The following AP2B1 variants were observed in gnomAD, a reference collection of about 807,000 sequenced individuals.
The protein encoded by AP2B1 is AP-2 complex subunit beta.
AP2B1 carries 23 observed loss-of-function variants against 102.0 expected under a neutral mutation model. The ratio of observed to expected loss-of-function variants is 0.23; its 90% CI spans 0.16 to 0.32. AP2B1 has a LOEUF of 0.32. Ranked by LOEUF, AP2B1 falls within the 10% of genes least tolerant of loss-of-function variation. The pLI is 1.00. For missense variants in AP2B1, 541 were observed against 1,157.4 expected (o/e 0.47, Z 7.73); for synonymous variants, 381 against 421.2 (o/e 0.90, Z 1.17).
At chr17:35,667,760 A>G (rs764967954) in intron 14 of AP2B1, among the ~76,000 whole-genome samples, 1 of 152,108 alleles carries the variant, frequency 6.6e-6, no homozygotes, top group Non-Finnish European at 1.5e-5. Flanking sequence ...AAGCAGGTTC[A>G]TAAAGAATTC....
chr17:35,611,068 C>T (rs534581711), intron 5 of AP2B1, among the ~76,000 whole-genome samples: 1 of 152,170 alleles, frequency 6.6e-6, no homozygotes, highest in East Asian at 1.9e-4. Flanking sequence ...AAGACAGACC[C>T]TTCCTCAAAA....
At chr17:35,670,046 A>G (rs1162047854) in intron 14 of AP2B1, among the ~76,000 whole-genome samples, 2 of 152,230 alleles carry the variant, frequency 1.3e-5, no homozygotes, top group African/African-American at 4.8e-5. Flanking sequence ...AGAGTGAATT[A>G]TATCTATCAG....
At chr17:35,597,403 T>C (rs1162699757) in intron 2 of AP2B1, among the ~76,000 whole-genome samples, 4 of 152,186 alleles carry the variant, frequency 2.6e-5, no homozygotes, top group Non-Finnish European at 4.4e-5. Context: ...CTTAAAATAG[T>C]GGTTACAGTC....
At chr17:35,690,006 T>G (rs765435525) in intron 18 of AP2B1, among the ~76,000 whole-genome samples, 2 of 152,250 alleles carry the variant, frequency 1.3e-5, no homozygotes, top group Admixed American at 6.5e-5. Context: ...TGGAAATGTT[T>G]TGTCATTCTT....
At chr17:35,722,142 G>T (rs1555593376) in intron 21 of AP2B1, among the ~76,000 whole-genome samples, 1 of 152,146 alleles carries the variant, frequency 6.6e-6, no homozygotes, top group African/African-American at 2.4e-5. Context: ...TACTCGCGAG[G>T]CTCAGGCAGG....
chr17:35,694,257 T>G (rs2076095815), intron 18 of AP2B1, among the ~76,000 whole-genome samples: 1 of 152,122 alleles, frequency 6.6e-6, no homozygotes, highest in African/African-American at 2.4e-5. Context: ...TTGTTTGTTT[T>G]TTTTCAGTCA....
intron 4 of AP2B1, 183 bp from the exon 5 acceptor site, chr17:35,607,959 A>G (rs2073741825): frequency 2.9e-6 from 2 of 683,782 alleles, no homozygotes; most frequent in South Asian, 2.0e-5. Context: ...CTTCACCTAA[A>G]CTCTTAAATA....
intron 7 of AP2B1, among the ~76,000 whole-genome samples, chr17:35,627,173 A>C (rs952355960): frequency 6.8e-6 from 1 of 146,132 alleles, no homozygotes; most frequent in Non-Finnish European, 1.5e-5. Flanking sequence ...ATGTGCCCTG[A>C]TGCTTAAAAA....
intron 18 of AP2B1, among the ~76,000 whole-genome samples, chr17:35,705,242 G>A (rs1303882080): frequency 6.6e-6 from 1 of 152,092 alleles, no homozygotes; most frequent in Non-Finnish European, 1.5e-5. Context: ...TACAGATTTT[G>A]AAAAGCTAAT....
chr17:35,626,881 T>G (rs1567844419), intron 7 of AP2B1, 39 bp downstream of exon 7: 1 of 1,567,296 alleles, frequency 6.4e-7, no homozygotes, highest in Non-Finnish European at 8.8e-7. Flanking sequence ...GTGTTTGTAA[T>G]TTTGCATTAA....
chr17:35,726,341 G>A lies in AP2B1; in HGVS notation c.*2642G>A, dbSNP rs926727828. On this transcript the variant is annotated 3_prime_UTR_variant, in exon 22 of 22. Coordinates refer to ENST00000610402, the MANE Select transcript of AP2B1 (RefSeq NM_001030006.2). Reference sequence around the variant, plus strand: ...CATTCCTCTGTTCTTATTGGGTCCTGTTTTTCGGGAGGGTGGGGGTTGGGG... The same window carrying A: ...CATTCCTCTGTTCTTATTGGGTCCTATTTTTCGGGAGGGTGGGGGTTGGGG... The A allele has an allele frequency of 7.4e-6, 1 of 135,826 alleles. No individual in the cohort carries two copies. Among genetic ancestry groups the A allele is most frequent in the Non-Finnish European group, 1.6e-5 (1 of 64,098 alleles). 8.4% of individuals were successfully genotyped at this position (135,826 alleles called of 1,614,324 possible). A position where few individuals can be genotyped will look rare whatever the true frequency, so the allele number is the denominator to read the frequency against.
intron 2 of AP2B1, 37 bp from the exon 3 acceptor site, chr17:35,598,193 T>C (rs781363743): frequency 1.5e-6 from 2 of 1,347,280 alleles, no homozygotes; most frequent in Admixed American, 3.4e-5. Context: ...AAGTCTGTGG[T>C]ACTGGAACCT....
chr17:35,640,412 A>G (rs1482256547), intron 11 of AP2B1, among the ~76,000 whole-genome samples: 2 of 149,556 alleles, frequency 1.3e-5, no homozygotes, highest in African/African-American at 4.9e-5. Context: ...AATTTTTTGT[A>G]TTTTTAGTAG....
intron 14 of AP2B1, among the ~76,000 whole-genome samples, chr17:35,667,354 C>T (rs1266642741): frequency 3.9e-5 from 6 of 152,134 alleles, no homozygotes; most frequent in African/African-American, 1.2e-4. Flanking sequence ...GAACATAGTA[C>T]AATTAGGTGA....
At chr17:35,622,257 GTCTC>G (rs1481479271) in intron 5 of AP2B1, among the ~76,000 whole-genome samples, 2 of 152,172 alleles carry the variant, frequency 1.3e-5, no homozygotes, top group African/African-American at 4.8e-5. Context: ...TACCAAGTGA[GTCTC>G]TGATTTTTCA....
intron 5 of AP2B1, among the ~76,000 whole-genome samples, chr17:35,619,163 C>T (rs56227129): frequency 0.094 from 14,363 of 152,226 alleles, 838 homozygotes; most frequent in Non-Finnish European, 0.13. Context: ...CTAAGCAAGT[C>T]ACTGAACTTC....
chr17:35,654,166 A>G (rs1334072691), intron 13 of AP2B1, among the ~76,000 whole-genome samples: 1 of 151,466 alleles, frequency 6.6e-6, no homozygotes, highest in Admixed American at 6.6e-5. Context: ...GGCTCAAGTG[A>G]TTCTTGTGCC....
intron 9 of AP2B1, among the ~76,000 whole-genome samples, chr17:35,634,171 A>C (rs185198176): frequency 4.6e-5 from 7 of 152,226 alleles, no homozygotes; most frequent in Admixed American, 4.6e-4. Context: ...CATTTGAATA[A>C]TGTGTCTCTT....
chr17:35,627,537 G>C (rs1446492078), intron 8 of AP2B1, 32 bp downstream of exon 8: 1 of 1,613,834 alleles, frequency 6.2e-7, no homozygotes, highest in Non-Finnish European at 8.5e-7. Context: ...AGTTGATGAT[G>C]ATTTAGCTCT....
Sources: gnomAD v4.1 joint callset for allele counts (sites outside exome capture counted in the v4.1 genomes callset) on GRCh38, gnomAD v4.1.1 for gene constraint, MANE v1.5 for transcripts, NCBI Gene and HGNC (gene_info 2026-07-23, HGNC 2026-07-21) for gene names.